HIGD2B: variants seen among roughly 807,000 people sequenced by gnomAD.
HIGD2B encodes the protein HIG1 hypoxia inducible domain family member 2B, also known as HIG1 domain family member 2B.
For synonymous variants in HIGD2B, 45 were observed against 28.1 expected, an observed-to-expected ratio of 1.60 and a Z score of -1.90; for missense variants, 106 against 67.0, an observed-to-expected ratio of 1.58 and a Z score of -2.03.
chr15:72,685,441 T>G (rs1481279849), intron 1 of HIGD2B, among the ~76,000 whole-genome samples: 1 of 152,188 alleles, frequency 6.6e-6, no homozygotes, highest in Non-Finnish European at 1.5e-5. Flanking sequence ...GTAGTCAAAT[T>G]CAGAACTCAT....
At chr15:72,683,883 T>C (rs2064775417) in intron 1 of HIGD2B, among the ~76,000 whole-genome samples, 1 of 130,138 alleles carries the variant, frequency 7.7e-6, no homozygotes, top group Non-Finnish European at 1.6e-5. Context: ...AATTAATAAT[T>C]TTTCATCTTT....
chr15:72,676,118 T>C lies in HIGD2B; in HGVS notation c.257A>G (p.Gln86Arg), dbSNP rs1159615899. 1.3e-6 allele frequency: 1 copy of C among 765,480 alleles called. No homozygotes were observed. The highest frequency in any genetic ancestry group is 2.4e-5 in the East Asian group (1 of 41,136). The allele number at this position is 765,480 out of a possible 1,614,324, so 47.4% of individuals were successfully genotyped here. A position where few individuals can be genotyped will look rare whatever the true frequency, so the allele number is the denominator to read the frequency against. The stretch of plus-strand genomic sequence containing the variant: ...CAAGATGGCTGCAATGGTGAAGCCC[T>C]GGGCGGCGATCTGGGTGTGCATCAT... ...RLMMHTQIAAQGFTIAAILLG... is the reference protein window; with the variant it reads ...RLMMHTQIAARGFTIAAILLG... The change falls in exon 3 of 3, where the codon CAG (glutamine) becomes CGG (arginine). Residue 86 changes from glutamine to arginine, a missense_variant. Transcript: ENST00000311755.
Position 72,686,071 on chromosome 15 carries a change from G to C in HIGD2B, c.-446C>G. ...CTCTTTCAGAGGTAAGCCTTCTGTG[G>C]AGCAGACCCTAATCCTCCCCCTGAT... is the stretch of plus-strand genomic sequence containing the variant. On this transcript the variant is annotated 5_prime_UTR_variant, in exon 1 of 3. Coordinates refer to ENST00000311755, the MANE Select transcript of HIGD2B (RefSeq NM_001350932.3). The C allele has an allele frequency of 1.3e-6, 1 of 786,592 alleles. No homozygotes were observed. The highest frequency in any genetic ancestry group is 2.7e-5 in the East Asian group (1 of 37,306). The allele number at this position is 786,592 out of a possible 1,614,324, so 48.7% of individuals were successfully genotyped here. A position where few individuals can be genotyped will look rare whatever the true frequency, so the allele number is the denominator to read the frequency against.
intron 1 of HIGD2B, among the ~76,000 whole-genome samples, chr15:72,681,903 A>C (rs2064754441): frequency 6.6e-6 from 1 of 151,890 alleles, no homozygotes; most frequent in African/African-American, 2.4e-5. Context: ...GAGCCACCGC[A>C]CTTGGACTCC....
Position 72,676,394 on chromosome 15 carries a change from G to A in HIGD2B, c.-13-7C>T. Reference sequence around the variant, plus strand: ...CGCCATGCCTAGGCCACAGCTGCAGGAGAAAATCCTTTGTTTTTTTTTTTT... The same window carrying A: ...CGCCATGCCTAGGCCACAGCTGCAGAAGAAAATCCTTTGTTTTTTTTTTTT... On this transcript the variant is annotated splice_polypyrimidine_tract_variant and splice_region_variant and intron_variant, in intron 2 of 2. Transcript: ENST00000311755. 1.4e-6 allele frequency: 1 copy of A among 698,020 alleles called. No homozygotes were observed. Among genetic ancestry groups the A allele is most frequent in the Non-Finnish European group, 2.6e-6 (1 of 388,404 alleles). The allele number at this position is 698,020 out of a possible 1,614,324, so 43.2% of individuals were successfully genotyped here. A position where few individuals can be genotyped will look rare whatever the true frequency, so the allele number is the denominator to read the frequency against.
intron 1 of HIGD2B, chr15:72,682,430 TG>T (rs569846438): frequency 6.1e-4 from 128 of 210,908 alleles, no homozygotes; most frequent in Middle Eastern, 5.5e-3. Context: ...ACACTAGGCA[TG>T]GTGGCTCATG....
At chr15:72,684,485 C>T (rs2064785598) in intron 1 of HIGD2B, among the ~76,000 whole-genome samples, 1 of 151,994 alleles carries the variant, frequency 6.6e-6, no homozygotes, top group African/African-American at 2.4e-5. Context: ...AGACCCCTGC[C>T]TCTGAAAAAA....
At chr15:72,680,730 T>A (rs2064740286) in intron 1 of HIGD2B, among the ~76,000 whole-genome samples, 1 of 152,018 alleles carries the variant, frequency 6.6e-6, no homozygotes, top group Non-Finnish European at 1.5e-5. Flanking sequence ...CTACTAAAAA[T>A]ACAAAAAATT....
Position 72,686,048 on chromosome 15 carries a change from C to G in HIGD2B, c.-423G>C. The G allele has an allele frequency of 2.8e-6, 2 of 703,026 alleles. No individual in the cohort carries two copies. Among genetic ancestry groups the G allele is most frequent in the Non-Finnish European group, 4.9e-6 (2 of 408,016 alleles). 43.5% of individuals were successfully genotyped at this position (703,026 alleles called of 1,614,324 possible). On this transcript the variant is annotated 5_prime_UTR_variant, in exon 1 of 3. Transcript: ENST00000311755. ...GTGGCTGCGCATTCCCTCCCCGACT[C>G]TTTCAGAGGTAAGCCTTCTGTGGAG... is the stretch of plus-strand genomic sequence containing the variant.
chr15:72,682,021 C>T (rs754261468), intron 1 of HIGD2B, among the ~76,000 whole-genome samples: 2 of 152,160 alleles, frequency 1.3e-5, no homozygotes, highest in African/African-American at 2.4e-5. Flanking sequence ...GGATTATAGA[C>T]GCGAGTCACT....
chr15:72,683,677 C>T (rs1428171099), intron 1 of HIGD2B, among the ~76,000 whole-genome samples: 1 of 151,744 alleles, frequency 6.6e-6, no homozygotes, highest in African/African-American at 2.4e-5. Context: ...CCCATCTTTA[C>T]AAAAGATACA....
rs777737130 is a variant in HIGD2B, at chr15:72,676,101, C to T, written c.274G>A (p.Ala92Thr). Residue 92 changes from alanine (A) to threonine (T), a missense_variant, in exon 3 of 3, where the codon GCC becomes ACC. Coordinates refer to ENST00000311755, the MANE Select transcript of HIGD2B (RefSeq NM_001350932.3). ...QIAAQGFTIA[A>T]ILLGLAATAM... ...GTGGCAGCTAGACCCAGCAAGATGG[C>T]TGCAATGGTGAAGCCCTGGGCGGCG... The T allele has an allele frequency of 5.2e-6, 4 of 765,246 alleles. No homozygotes were observed. Among genetic ancestry groups the T allele is most frequent in the Non-Finnish European group, 9.6e-6 (4 of 416,628 alleles). 47.4% of individuals were successfully genotyped at this position (765,246 alleles called of 1,614,324 possible).
intron 1 of HIGD2B, chr15:72,682,673 G>A (rs1291926266): frequency 6.5e-6 from 1 of 153,948 alleles, no homozygotes; most frequent in Non-Finnish European, 1.4e-5. Context: ...TCCAGCCTGG[G>A]TGATAGAGCG....
chr15:72,678,866 G>A (rs1161299398), intron 2 of HIGD2B, among the ~76,000 whole-genome samples: 27 of 151,730 alleles, frequency 1.8e-4, no homozygotes, highest in Admixed American at 1.5e-3. Context: ...GCATGGTGGC[G>A]CATGCCTGTA....
intron 1 of HIGD2B, among the ~76,000 whole-genome samples, chr15:72,685,587 A>C (rs1311418653): frequency 6.6e-6 from 1 of 152,238 alleles, no homozygotes; most frequent in Non-Finnish European, 1.5e-5. Flanking sequence ...CGCAGCCGCT[A>C]TTCAGATCTA....
intron 2 of HIGD2B, among the ~76,000 whole-genome samples, chr15:72,678,114 G>A (rs566479354): frequency 6.6e-6 from 1 of 152,278 alleles, no homozygotes; most frequent in African/African-American, 2.4e-5. Flanking sequence ...GGTACTCATA[G>A]AATCCTGGAT....
At chr15:72,685,054 A>G (rs968053274) in intron 1 of HIGD2B, among the ~76,000 whole-genome samples, 1 of 152,328 alleles carries the variant, frequency 6.6e-6, no homozygotes, top group Admixed American at 6.5e-5. Context: ...AAAAAGTGGG[A>G]GACCAACAGT....
intron 2 of HIGD2B, 50 bp downstream of exon 2, chr15:72,679,965 G>A (rs961954231): frequency 1.2e-5 from 3 of 248,752 alleles, no homozygotes; most frequent in Admixed American, 8.2e-5. Context: ...GCCAGAGCCC[G>A]CCAGAAGCAT....
rs1433549618 is a variant in HIGD2B, at chr15:72,681,672, T to C, written c.-192-1479A>G. ...AGGCTGGAGTGCAGTGGTGGCGCGA[T>C]CTCATCTCACTGCAACCTCCACCTC... On this transcript the variant is annotated intron_variant, in intron 1 of 2. Coordinates refer to ENST00000311755, the MANE Select transcript of HIGD2B (RefSeq NM_001350932.3). Among the ~76,000 whole-genome samples the C allele has an allele frequency of 2.0e-5, 3 of 149,892 alleles. No homozygotes were observed. The Admixed American group carries it at 2.0e-4, about 10-fold the overall frequency.
Sources: gnomAD v4.1 joint callset for allele counts (sites outside exome capture counted in the v4.1 genomes callset) on GRCh38, gnomAD v4.1.1 for gene constraint, MANE v1.5 for transcripts, NCBI Gene and HGNC (gene_info 2026-07-23, HGNC 2026-07-21) for gene names.